ESPNL: variants seen among roughly 807,000 people sequenced by gnomAD.
ESPNL encodes the protein espin like, also known as espin-like protein.
Under a neutral mutation model 46.8 loss-of-function variants are expected in ESPNL, and 49 were observed. The observed-to-expected ratio is 1.05, with a 90% CI of 0.83 to 1.33. The LOEUF is 1.33. ESPNL is among the 40% of genes most tolerant of loss of function. The probability of loss-of-function intolerance (pLI) is 0.00; values close to 1 mark genes in which losing one functional copy is unlikely to be tolerated. For synonymous variants in ESPNL, 664 were observed against 662.1 expected, an observed-to-expected ratio of 1.00 and a Z score of -0.04; for missense variants, 1,540 against 1,436.6, an observed-to-expected ratio of 1.07 and a Z score of -1.16.
rs953298166 is a variant in ESPNL at position 238,128,961 on chromosome 2, T to C, written c.1413+57T>C. The C allele has an allele frequency of 3.2e-5, 48 of 1,497,584 alleles. No homozygotes were observed. In the African/African-American group the frequency reaches 4.6e-4, roughly 14 times the overall value. 92.8% of individuals were successfully genotyped at this position (1,497,584 alleles called of 1,614,324 possible). A position where few individuals can be genotyped will look rare whatever the true frequency, so the allele number is the denominator to read the frequency against. ...CGGGGCGGGGCCTTTTCCAGGTAGGTGGAAGTGGAAGTCAGGGCGCCCGAA... is the reference window on the plus strand; with the variant it reads ...CGGGGCGGGGCCTTTTCCAGGTAGGCGGAAGTGGAAGTCAGGGCGCCCGAA... On this transcript the variant is annotated intron_variant, in intron 8 of 8. Coordinates refer to ENST00000343063, the MANE Select transcript of ESPNL (RefSeq NM_194312.4).
intron 4 of ESPNL, among the ~76,000 whole-genome samples, chr2:238,113,494 G>T (rs1691754120): frequency 6.6e-6 from 1 of 152,032 alleles, no homozygotes; most frequent in African/African-American, 2.4e-5. Flanking sequence ...TTCTTTGTGG[G>T]CTGGGTCTTC....
chr2:238,109,799 G>A (rs1691677143), intron 4 of ESPNL, among the ~76,000 whole-genome samples: 1 of 152,112 alleles, frequency 6.6e-6, no homozygotes, highest in Non-Finnish European at 1.5e-5. Flanking sequence ...TTCTATCCCA[G>A]GATCCCATTT....
In ESPNL at chr2:238,131,533, G is replaced by C. The variant is rs761291584; in HGVS notation, c.2819G>C (p.Gly940Ala). Residue 940 changes from glycine to alanine, a missense_variant, in exon 9 of 9, where the codon GGC becomes GCC. By Grantham distance (60) the Gly-to-Ala change is moderately conservative. Coordinates refer to ENST00000343063, the MANE Select transcript of ESPNL (RefSeq NM_194312.4). ...CGTCCCGCCTGGGATACGGAGCCTG[G>C]CCGCAAGTCAGGTCTGACCCTGCTC... ...SQRPAWDTEP[G>A]RKSGLTLLGP... The C allele has an allele frequency of 5.0e-5, 81 of 1,611,362 alleles. No individual in the cohort carries two copies. Among genetic ancestry groups the C allele is most frequent in the Admixed American group, 1.3e-4 (8 of 59,882 alleles).
intron 5 of ESPNL, among the ~76,000 whole-genome samples, chr2:238,120,321 G>A (rs1218077479): frequency 1.3e-5 from 2 of 152,116 alleles, no homozygotes; most frequent in Admixed American, 6.5e-5. Context: ...GATGGCAGCC[G>A]AGATTAGCAG....
intron 1 of ESPNL, 125 bp downstream of exon 1, chr2:238,100,838 T>C (rs1030238906): frequency 4.1e-5 from 33 of 799,568 alleles, no homozygotes; most frequent in Non-Finnish European, 4.6e-5. Context: ...TTTGTTTCTC[T>C]TGGGGACTCA....
At chr2:238,102,332 A>G (rs1224600907) in intron 2 of ESPNL, among the ~76,000 whole-genome samples, 1 of 152,204 alleles carries the variant, frequency 6.6e-6, no homozygotes, top group Non-Finnish European at 1.5e-5. Context: ...TGGCAGTGCC[A>G]TGCCAGGGCC....
At chr2:238,106,632 C>T (rs1398049092) in intron 3 of ESPNL, among the ~76,000 whole-genome samples, 1 of 152,244 alleles carries the variant, frequency 6.6e-6, no homozygotes, top group Non-Finnish European at 1.5e-5. Flanking sequence ...CCATTCACTC[C>T]AGACCTCAGC....
At chr2:238,120,971 A>G (rs2106473980) in intron 5 of ESPNL, among the ~76,000 whole-genome samples, 1 of 152,352 alleles carries the variant, frequency 6.6e-6, no homozygotes, top group East Asian at 1.9e-4. Context: ...CAAGAGCAGC[A>G]GCAGCTTGGG....
At chr2:238,121,197 C>T (rs1041701974) in intron 5 of ESPNL, among the ~76,000 whole-genome samples, 1 of 152,212 alleles carries the variant, frequency 6.6e-6, no homozygotes, top group Admixed American at 6.5e-5. Context: ...AGGCCCCCTC[C>T]CCTCTGCTAG....
intron 6 of ESPNL, 43 bp from the exon 7 acceptor site, chr2:238,127,579 C>G (rs1692167983): frequency 1.9e-6 from 3 of 1,545,064 alleles, no homozygotes; most frequent in South Asian, 1.2e-5. Flanking sequence ...TCTCTGCTCC[C>G]CAGCCCTTGC....
At chr2:238,121,295 A>G (rs1691983431) in intron 5 of ESPNL, among the ~76,000 whole-genome samples, 1 of 152,182 alleles carries the variant, frequency 6.6e-6, no homozygotes, top group Non-Finnish European at 1.5e-5. Flanking sequence ...CGGGGAGCAG[A>G]GCCTCTGGCA....
At chr2:238,106,265 C>T (rs1191322981) in intron 3 of ESPNL, among the ~76,000 whole-genome samples, 1 of 152,180 alleles carries the variant, frequency 6.6e-6, no homozygotes, top group African/African-American at 2.4e-5. Context: ...AACAGGGGGC[C>T]TGGTCCCTTA....
At position 238,131,609 on chromosome 2, in the gene ESPNL, A is replaced by T. The variant is rs775016816; in HGVS notation, c.2895A>T (p.Ala965=). The change falls in exon 9 of 9, where the codon GCA becomes GCT. Residue 965 remains alanine (A), a synonymous_variant. Coordinates refer to ENST00000343063, the MANE Select transcript of ESPNL (RefSeq NM_194312.4). The part of the protein sequence containing the change: ...AVPCSGPEPT[A]QRLGSRSQQG... ...CCTGCAGCGGCCCTGAGCCCACAGC[A>T]CAGCGGCTGGGGTCCCGCTCCCAGC... The T allele has an allele frequency of 7.4e-6, 12 of 1,611,500 alleles. No homozygotes were observed. Among genetic ancestry groups the T allele is most frequent in the Admixed American group, 1.7e-5 (1 of 59,974 alleles).
At chr2:238,122,507 C>T (rs1692010500) in intron 5 of ESPNL, among the ~76,000 whole-genome samples, 1 of 152,188 alleles carries the variant, frequency 6.6e-6, no homozygotes, top group South Asian at 2.1e-4. Flanking sequence ...CAGGGCTGGG[C>T]CACAGGGACC....
chr2:238,130,823 C>A lies in ESPNL; in HGVS notation c.2109C>A (p.Pro703=). 6.5e-7 allele frequency: 1 copy of A among 1,546,430 alleles called. No homozygotes were observed. The highest frequency in any genetic ancestry group is 8.7e-7 in the Non-Finnish European group (1 of 1,149,070). ...KPRSGLASGE[P]RPGDTEEASD... is the part of the protein sequence containing the mutation. Reference sequence around the variant, plus strand: ...GCAGTGGCCTGGCTTCAGGGGAGCCCAGGCCTGGCGACACAGAGGAGGCCA... The same window carrying A: ...GCAGTGGCCTGGCTTCAGGGGAGCCAAGGCCTGGCGACACAGAGGAGGCCA... Residue 703 remains proline (P), a synonymous_variant, in exon 9 of 9, where the codon CCC becomes CCA. Transcript: ENST00000343063.
In ESPNL at chr2:238,107,901, G is replaced by A. The variant is rs764178645; in HGVS notation, c.783G>A (p.Met261Ile). 1 of 1,612,862 alleles carries A rather than the reference G, an allele frequency of 6.2e-7. No individual in the cohort carries two copies. The change falls in exon 4 of 9, where the codon ATG becomes ATA. Residue 261 changes from methionine (M) to isoleucine (I), a missense_variant. Physicochemically the swap from Met to Ile is conservative, Grantham distance 10 (BLOSUM62 1). Transcript: ENST00000343063. ...CCATTCTAGACCGACTCCTGCTCATGGGTACCCCCATCCTGAGAGACTCCT... is the reference window on the plus strand; with the variant it reads ...CCATTCTAGACCGACTCCTGCTCATAGGTACCCCCATCCTGAGAGACTCCT... ...HTPILDRLLL[M>I]GTPILRDSWG...
chr2:238,103,884 G>T (rs935414), intron 2 of ESPNL, among the ~76,000 whole-genome samples: 44,190 of 152,030 alleles, frequency 0.29, 9,986 homozygotes, highest in African/African-American at 0.61. Flanking sequence ...AGGCTGCTAG[G>T]GGGCTGGTAC....
chr2:238,125,093 C>G (rs569704883), intron 5 of ESPNL, among the ~76,000 whole-genome samples, 177 bp from the exon 6 acceptor site: 1 of 152,272 alleles, frequency 6.6e-6, no homozygotes, highest in African/African-American at 2.4e-5. Flanking sequence ...GGAGATGACC[C>G]TGGGACAGAA....
At chr2:238,105,062 C>G (rs550786829) in intron 3 of ESPNL, among the ~76,000 whole-genome samples, 1 of 152,102 alleles carries the variant, frequency 6.6e-6, no homozygotes, top group Non-Finnish European at 1.5e-5. Context: ...TCTGTGGGGT[C>G]GTGCCACGGC....
Sources: allele counts gnomAD v4.1 joint callset (sites outside exome capture counted in the v4.1 genomes callset), GRCh38; gene constraint gnomAD v4.1.1; transcripts MANE v1.5; gene names NCBI Gene and HGNC (gene_info 2026-07-23, HGNC 2026-07-21).